The following HS2ST1 variants were observed in gnomAD, a reference collection of about 807,000 sequenced individuals.
The protein encoded by HS2ST1 is heparan sulfate 2-O-sulfotransferase 1.
In HS2ST1, 18 loss-of-function variants were observed where a neutral mutation model predicts 42.9. The observed-to-expected ratio is 0.42, with a 90% CI of 0.29 to 0.62. The LOEUF is 0.62. Ranked by LOEUF, HS2ST1 falls within the 20% of genes least tolerant of loss-of-function variation. HS2ST1 has a pLI of 0.21. For synonymous variants in HS2ST1, 146 were observed against 152.9 expected (o/e 0.95, Z 0.33); for missense variants, 334 against 433.8 (o/e 0.77, Z 2.04).
chr1:87,084,743 T>A (rs1213085250), intron 3 of HS2ST1, among the ~76,000 whole-genome samples: 1 of 152,050 alleles, frequency 6.6e-6, no homozygotes, highest in Non-Finnish European at 1.5e-5. Context: ...ATTACGAGGC[T>A]TTTTTAAAAA....
At chr1:86,992,686 G>A (rs1026821999) in intron 1 of HS2ST1, among the ~76,000 whole-genome samples, 5 of 152,098 alleles carry the variant, frequency 3.3e-5, no homozygotes, top group African/African-American at 1.2e-4. Context: ...TTTATGCACC[G>A]TATAGGGGAA....
intron 1 of HS2ST1, among the ~76,000 whole-genome samples, chr1:86,949,763 C>T (rs947767378): frequency 2.0e-5 from 3 of 152,186 alleles, no homozygotes; most frequent in Admixed American, 6.5e-5. Flanking sequence ...CAGAAACTTA[C>T]ATTGGACACT....
intron 1 of HS2ST1, among the ~76,000 whole-genome samples, chr1:86,976,681 A>G (rs1648409292): frequency 1.6e-5 from 1 of 60,616 alleles, no homozygotes; most frequent in East Asian, 8.3e-4. Flanking sequence ...CACTTTGTAA[A>G]TCCATCTTTT....
intron 4 of HS2ST1, among the ~76,000 whole-genome samples, chr1:87,093,004 A>G (rs1002639870): frequency 6.6e-6 from 1 of 151,940 alleles, no homozygotes; most frequent in East Asian, 1.9e-4. Context: ...TATTGATGGC[A>G]GTTTATATTT....
intron 1 of HS2ST1, among the ~76,000 whole-genome samples, chr1:86,979,924 T>C (rs146390319): frequency 1.3e-5 from 2 of 152,238 alleles, no homozygotes; most frequent in African/African-American, 2.4e-5. Context: ...TATATTCTTA[T>C]TTGTTTTTAC....
chr1:87,020,165 T>C (rs938060710), intron 1 of HS2ST1, among the ~76,000 whole-genome samples: 10 of 152,192 alleles, frequency 6.6e-5, no homozygotes, highest in African/African-American at 2.4e-4. Context: ...ATTTACTAAA[T>C]AAAAACAAAC....
chr1:87,046,248 G>A, intron 1 of HS2ST1: 1 of 794,738 alleles, frequency 1.3e-6, no homozygotes, highest in Non-Finnish European at 2.2e-6. Flanking sequence ...CAAAGAGGGT[G>A]TGACCAAGTG....
intron 1 of HS2ST1, among the ~76,000 whole-genome samples, chr1:87,016,332 C>T (rs1459030969): frequency 1.3e-5 from 2 of 152,144 alleles, no homozygotes; most frequent in Non-Finnish European, 2.9e-5. Context: ...CTTCACCTCC[C>T]ATTAGAAACC....
intron 1 of HS2ST1, among the ~76,000 whole-genome samples, chr1:86,931,392 GT>G (rs1570428722): frequency 6.6e-6 from 1 of 151,448 alleles, no homozygotes; most frequent in East Asian, 1.9e-4. Context: ...TTTTTGTTTT[GT>G]TTTTGTGGGT....
intron 1 of HS2ST1, among the ~76,000 whole-genome samples, chr1:87,031,229 C>T (rs953727069): frequency 2.6e-5 from 4 of 152,144 alleles, no homozygotes; most frequent in Admixed American, 6.5e-5. Context: ...GCATGTGCCA[C>T]GTCACCTGGC....
At chr1:86,976,411 G>T (rs1648400352) in intron 1 of HS2ST1, among the ~76,000 whole-genome samples, 1 of 152,018 alleles carries the variant, frequency 6.6e-6, no homozygotes, top group Non-Finnish European at 1.5e-5. Context: ...GCTTATATTA[G>T]GACAATGCTG....
intron 1 of HS2ST1, among the ~76,000 whole-genome samples, chr1:86,964,510 C>G (rs539487238): frequency 2.4e-3 from 360 of 152,308 alleles, no homozygotes; most frequent in African/African-American, 8.2e-3. Context: ...TGGCGGCACG[C>G]GCCTGCAATC....
intron 1 of HS2ST1, among the ~76,000 whole-genome samples, chr1:86,986,179 A>G (rs1648780564): frequency 6.6e-6 from 1 of 151,682 alleles, no homozygotes; most frequent in Admixed American, 6.6e-5. Context: ...GATTTTCTTA[A>G]GTATGTGATT....
chr1:87,020,442 C>A (rs918319235), intron 1 of HS2ST1, among the ~76,000 whole-genome samples: 2 of 152,232 alleles, frequency 1.3e-5, no homozygotes, highest in African/African-American at 4.8e-5. Flanking sequence ...CACTTTCCCA[C>A]ATGAATGCTC....
intron 5 of HS2ST1, among the ~76,000 whole-genome samples, chr1:87,101,795 A>C (rs1652215887): frequency 6.6e-6 from 1 of 151,898 alleles, no homozygotes; most frequent in South Asian, 2.1e-4. Flanking sequence ...GCAACACCCA[A>C]CTCCTTAGTA....
Position 87,086,445 on chromosome 1 carries a change from C to T in HS2ST1, c.449+2166C>T, listed in dbSNP as rs181286877. 1.4e-3 allele frequency among the ~76,000 whole-genome samples: 219 copies of T among 152,246 alleles called. 1 individual carries two copies. The highest frequency in any genetic ancestry group is 1.7e-3 in the Non-Finnish European group (116 of 67,998). On this transcript the variant is annotated intron_variant, in intron 3 of 6. Transcript: ENST00000370550. ...TCTTCAAAACAATATTCTTGACTGG[C>T]ATAGTACTTTGTGGAGTCCAGTAAA...
intron 1 of HS2ST1, among the ~76,000 whole-genome samples, chr1:87,014,454 G>A (rs918369368): frequency 6.6e-6 from 1 of 152,178 alleles, no homozygotes; most frequent in African/African-American, 2.4e-5. Flanking sequence ...TGACACATGG[G>A]AATTATGGGA....
At chr1:87,049,036 G>A (rs983508262) in intron 1 of HS2ST1, among the ~76,000 whole-genome samples, 3 of 151,918 alleles carry the variant, frequency 2.0e-5, no homozygotes, top group Non-Finnish European at 4.4e-5. Context: ...AGCCATTTGG[G>A]CCTTTTGTTT....
chr1:87,097,740 C>T, intron 4 of HS2ST1, 98 bp from the exon 5 acceptor site: 1 of 1,387,394 alleles, frequency 7.2e-7, no homozygotes, highest in Non-Finnish European at 1.0e-6. Context: ...CTCATCCCAC[C>T]TACTCTGGCC....
Sources: allele counts gnomAD v4.1 joint callset (sites outside exome capture counted in the v4.1 genomes callset), GRCh38; gene constraint gnomAD v4.1.1; transcripts MANE v1.5; gene names NCBI Gene and HGNC (gene_info 2026-07-23, HGNC 2026-07-21).